The following HADHB variants were observed in gnomAD, a reference collection of about 807,000 sequenced individuals.
HADHB encodes hydroxyacyl-CoA dehydrogenase trifunctional multienzyme complex subunit beta, also known as trifunctional enzyme subunit beta, mitochondrial.
Under a neutral mutation model 61.9 loss-of-function variants are expected in HADHB, and 50 were observed. The ratio of observed to expected loss-of-function variants is 0.81; its 90% CI spans 0.64 to 1.02. The LOEUF is 1.02. HADHB is among the 50% of genes least tolerant of loss of function. The pLI is 0.00. For missense variants in HADHB, 504 were observed against 586.5 expected (o/e 0.86, Z 1.45); for synonymous variants, 191 against 201.6 (o/e 0.95, Z 0.45).
chr2:26,260,657 C>A (rs185018722), intron 3 of HADHB: 1 of 241,368 alleles, frequency 4.1e-6, no homozygotes, highest in African/African-American at 2.2e-5. Context: ...ATTGTAGGGA[C>A]ATCACAAAGC....
intron 3 of HADHB, among the ~76,000 whole-genome samples, chr2:26,255,363 G>A (rs1431468327): frequency 6.6e-6 from 1 of 152,050 alleles, no homozygotes; most frequent in Non-Finnish European, 1.5e-5. Context: ...AGCTGGGCAT[G>A]GTGGCATACG....
chr2:26,260,379 C>G (rs1341751563), intron 3 of HADHB, among the ~76,000 whole-genome samples: 1 of 152,148 alleles, frequency 6.6e-6, no homozygotes, highest in African/African-American at 2.4e-5. Flanking sequence ...GCACGCCTGG[C>G]TTGGTTAGTT....
In HADHB at chr2:26,267,229, G is replaced by T. The variant is rs72851504; in HGVS notation, c.210-2724G>T. On this transcript the variant is annotated intron_variant, in intron 4 of 15. Coordinates refer to ENST00000317799, the MANE Select transcript of HADHB (RefSeq NM_000183.3). ...CCCAGATCTTGGTTTCTAAATAGCA[G>T]TCTTCAATACAAAGAACCAGAGCTC... 6.3e-3 allele frequency among the ~76,000 whole-genome samples: 956 copies of T among 152,190 alleles called. 8 individuals are homozygous for T. The highest frequency in any genetic ancestry group is 0.022 in the African/African-American group (894 of 41,532).
Position 26,280,278 on chromosome 2 carries a change from C to T in HADHB, c.933+163C>T, listed in dbSNP as rs59892305. The stretch of plus-strand genomic sequence containing the variant: ...AGTCATTAAAAAAAAAATAGAATCA[C>T]GGTTTTAAGGCCCGAGAAGTCACCT... On this transcript the variant is annotated intron_variant, in intron 10 of 15. Coordinates refer to ENST00000317799, the MANE Select transcript of HADHB (RefSeq NM_000183.3). Among the ~76,000 whole-genome samples the T allele has an allele frequency of 6.4e-3, 967 of 152,074 alleles. 8 individuals carry two copies. Among genetic ancestry groups the T allele is most frequent in the African/African-American group, 0.022 (892 of 41,466 alleles).
intron 7 of HADHB, 100 bp downstream of exon 7, chr2:26,277,260 C>T (rs1672568479): frequency 1.7e-6 from 1 of 588,654 alleles, no homozygotes; most frequent in Non-Finnish European, 3.0e-6. Context: ...TTTTTTAACA[C>T]AGAACCTCAC....
chr2:26,251,085 A>G (rs1344793278), intron 1 of HADHB, among the ~76,000 whole-genome samples: 1 of 116,428 alleles, frequency 8.6e-6, no homozygotes, highest in African/African-American at 2.6e-5. Flanking sequence ...TCTTACATAC[A>G]TGGGTCTGCT....
In HADHB at chr2:26,254,333, A is replaced by T. The variant is rs1018820638; in HGVS notation, c.64+15A>T. Reference sequence around the variant, plus strand: ...CCTCAGATTTTGTAAGTTTATTATTATTTTTTTATTTTTAGAGATTGGATT... The same window carrying T: ...CCTCAGATTTTGTAAGTTTATTATTTTTTTTTTATTTTTAGAGATTGGATT... On this transcript the variant is annotated intron_variant, in intron 2 of 15. Coordinates refer to ENST00000317799, the MANE Select transcript of HADHB (RefSeq NM_000183.3). 5.9e-6 allele frequency: 9 copies of T among 1,519,176 alleles called. No individual in the cohort carries two copies. The Admixed American group carries it at 1.0e-4, about 17-fold the overall frequency. The allele number at this position is 1,519,176 out of a possible 1,614,324, so 94.1% of individuals were successfully genotyped here.
At chr2:26,245,165 A>C (rs569303868) in intron 1 of HADHB, 175 bp downstream of exon 1, 1 of 198,436 alleles carries the variant, frequency 5.0e-6, no homozygotes, top group Admixed American at 5.3e-5. Context: ...TGCAGTTAGG[A>C]CAGTGACTTG....
intron 14 of HADHB, 35 bp downstream of exon 14, chr2:26,284,992 C>G (rs779023352): frequency 9.8e-7 from 1 of 1,019,604 alleles, no homozygotes; most frequent in Non-Finnish European, 1.6e-6. Context: ...CGTGAATTTT[C>G]AAAGCACGTT....
chr2:26,265,929 A>G (rs896829071), intron 4 of HADHB, among the ~76,000 whole-genome samples: 4 of 152,116 alleles, frequency 2.6e-5, no homozygotes, highest in Non-Finnish European at 5.9e-5. Context: ...GGCCAGGTGC[A>G]GTGGCTCACA....
At position 26,290,424 on chromosome 2, in the gene HADHB, TA is replaced by T. The variant is rs1356748845; in HGVS notation, c.*474del. The T allele has an allele frequency of 1.1e-5, 2 of 185,514 alleles. No individual in the cohort carries two copies. The highest frequency in any genetic ancestry group is 4.8e-5 in the African/African-American group (2 of 41,910). The allele number at this position is 185,514 out of a possible 1,614,324, so 11.5% of individuals were successfully genotyped here. On this transcript the variant is annotated 3_prime_UTR_variant, in exon 16 of 16. Transcript: ENST00000317799. ...AACTTATAAAAAATGTTTAGATACA[TA>T]AATATGGTGGTCAGCGTTAATAAAG...
intron 3 of HADHB, chr2:26,255,100 C>T (rs1302825337): frequency 1.9e-5 from 3 of 154,456 alleles, no homozygotes; most frequent in Admixed American, 1.9e-4. Context: ...GTGCTAAAAA[C>T]ACCCTGACAA....
intron 3 of HADHB, among the ~76,000 whole-genome samples, chr2:26,262,662 G>A (rs967173974): frequency 6.6e-6 from 1 of 152,176 alleles, no homozygotes; most frequent in Non-Finnish European, 1.5e-5. Flanking sequence ...CCAACCAAGT[G>A]CCCCTTATTT....
At chr2:26,271,397 C>T (rs909850026) in intron 5 of HADHB, among the ~76,000 whole-genome samples, 4 of 151,976 alleles carry the variant, frequency 2.6e-5, no homozygotes, top group Non-Finnish European at 5.9e-5. Flanking sequence ...ATGCCAGCTA[C>T]TTGGAAGGCT....
intron 12 of HADHB, among the ~76,000 whole-genome samples, chr2:26,283,825 C>A (rs923276343): frequency 6.6e-6 from 1 of 152,226 alleles, no homozygotes; most frequent in Admixed American, 6.5e-5. Context: ...CAAGCCCTTT[C>A]CCTTGCCTTG....
chr2:26,250,380 A>G (rs1337766403), intron 1 of HADHB, among the ~76,000 whole-genome samples: 1 of 152,086 alleles, frequency 6.6e-6, no homozygotes, highest in Non-Finnish European at 1.5e-5. Flanking sequence ...TGTTACAAAT[A>G]TTTTCTCTGA....
At chr2:26,263,832 G>A (rs1671958306) in intron 4 of HADHB, among the ~76,000 whole-genome samples, 1 of 152,134 alleles carries the variant, frequency 6.6e-6, no homozygotes, top group South Asian at 2.1e-4. Context: ...TGTGGGCCAT[G>A]GGCATTCTGA....
At chr2:26,289,659 A>G (rs1673185415) in intron 15 of HADHB, among the ~76,000 whole-genome samples, 1 of 152,186 alleles carries the variant, frequency 6.6e-6, no homozygotes, top group Admixed American at 6.5e-5. Context: ...GTGTGTGTAT[A>G]TATATACACA....
chr2:26,261,774 CA>C (rs35190163), intron 3 of HADHB, among the ~76,000 whole-genome samples: 38 of 143,484 alleles, frequency 2.6e-4, no homozygotes, highest in Admixed American at 3.5e-4. Context: ...GGCATCATCT[CA>C]AAAAAAAAAA....
Sources: gnomAD v4.1 joint callset for allele counts (sites outside exome capture counted in the v4.1 genomes callset) on GRCh38, gnomAD v4.1.1 for gene constraint, MANE v1.5 for transcripts, NCBI Gene and HGNC (gene_info 2026-07-23, HGNC 2026-07-21) for gene names.